LUC7L: variants seen among roughly 807,000 people sequenced by gnomAD.
The protein encoded by LUC7L is putative RNA-binding protein Luc7-like 1.
In LUC7L, 29 loss-of-function variants were observed where a neutral mutation model predicts 51.1. The observed-to-expected ratio is 0.57, with a 90% CI of 0.42 to 0.77. LUC7L has a LOEUF of 0.77. LUC7L is among the 30% of genes least tolerant of loss of function. The pLI, the probability that LUC7L is intolerant of heterozygous loss-of-function variation, is 0.00. For missense variants in LUC7L, 403 were observed against 511.9 expected (o/e 0.79, Z 2.05); for synonymous variants, 181 against 180.7 (o/e 1.00, Z -0.01).
chr16:188,990 T>G lies in LUC7L; in HGVS notation c.*208A>C, dbSNP rs1185669249. On this transcript the variant is annotated 3_prime_UTR_variant, in exon 10 of 10. Coordinates refer to ENST00000293872, the MANE Select transcript of LUC7L (RefSeq NM_201412.3). ...AGGACAGCAGAAACCCCCCGCAGCC[T>G]CAGGAGGCAGCATCAGATTTATTTA... is the stretch of plus-strand genomic sequence containing the variant. The G allele has an allele frequency of 7.7e-6, 4 of 521,588 alleles. No individual in the cohort carries two copies. In the Admixed American group the frequency reaches 1.0e-4, roughly 13 times the overall value. The allele number at this position is 521,588 out of a possible 1,614,324, so 32.3% of individuals were successfully genotyped here. A position where few individuals can be genotyped will look rare whatever the true frequency, so the allele number is the denominator to read the frequency against.
chr16:208,547 C>G (rs1455418914), intron 3 of LUC7L: 1 of 855,346 alleles, frequency 1.2e-6, no homozygotes, highest in South Asian at 3.3e-5. Flanking sequence ...AGCCTAGACT[C>G]GTGCTGGAGG....
intron 3 of LUC7L, among the ~76,000 whole-genome samples, chr16:214,939 C>T (rs2049746163): frequency 6.6e-6 from 1 of 152,150 alleles, no homozygotes; most frequent in South Asian, 2.1e-4. Flanking sequence ...GGCATGGTGG[C>T]TTGTGACTGT....
intron 3 of LUC7L, among the ~76,000 whole-genome samples, chr16:215,039 C>A (rs2049749555): frequency 1.3e-5 from 2 of 152,146 alleles, no homozygotes; most frequent in African/African-American, 4.8e-5. Context: ...CACTGCAATC[C>A]AGCCTGGGCA....
chr16:189,963 G>C lies in LUC7L; in HGVS notation c.974+5C>G. On this transcript the variant is annotated splice_donor_5th_base_variant and intron_variant, in intron 9 of 9. Coordinates refer to ENST00000293872, the MANE Select transcript of LUC7L (RefSeq NM_201412.3). ...TGCAGCTACCGAAGGAGTCAGAGTAGTTACTTGTATTTCGCACTTCGGTCC... is the reference window on the plus strand; with the variant it reads ...TGCAGCTACCGAAGGAGTCAGAGTACTTACTTGTATTTCGCACTTCGGTCC... The C allele has an allele frequency of 6.8e-6, 11 of 1,610,058 alleles. No individual in the cohort carries two copies. Among genetic ancestry groups the C allele is most frequent in the Non-Finnish European group, 9.3e-6 (11 of 1,176,964 alleles).
At chr16:224,876 CA>C (rs923407507) in intron 2 of LUC7L, among the ~76,000 whole-genome samples, 1 of 151,896 alleles carries the variant, frequency 6.6e-6, no homozygotes, top group African/African-American at 2.4e-5. Context: ...ACTTACTTTT[CA>C]ATGTGAGAGC....
At chr16:217,973 C>T (rs572362055) in intron 3 of LUC7L, among the ~76,000 whole-genome samples, 6 of 148,834 alleles carry the variant, frequency 4.0e-5, no homozygotes, top group African/African-American at 9.9e-5. Context: ...TGCAGTGAGC[C>T]GAGATCATGC....
intron 6 of LUC7L, among the ~76,000 whole-genome samples, chr16:198,032 G>A (rs1177805586): frequency 2.0e-5 from 3 of 152,050 alleles, no homozygotes; most frequent in Non-Finnish European, 4.4e-5. Flanking sequence ...ACTTTGGGAG[G>A]CTGAGGCGGG....
chr16:195,574 C>A (rs2049127365), intron 6 of LUC7L, among the ~76,000 whole-genome samples: 1 of 152,192 alleles, frequency 6.6e-6, no homozygotes, highest in Non-Finnish European at 1.5e-5. Flanking sequence ...CAGGCACACA[C>A]CACCATGCTT....
At chr16:201,170 GAAAAAAAAAA>G (rs36033830) in intron 5 of LUC7L, among the ~76,000 whole-genome samples, 1 of 70,372 alleles carries the variant, frequency 1.4e-5, no homozygotes, top group Non-Finnish European at 2.4e-5. Flanking sequence ...CTCTGTCTGA[GAAAAAAAAAA>G]AAAAAAAAGT....
chr16:228,765 G>A (rs1194361195), intron 1 of LUC7L: 2 of 1,278,344 alleles, frequency 1.6e-6, no homozygotes, highest in South Asian at 1.3e-5. Flanking sequence ...GGGGGCAGCT[G>A]GAAAAGTACT....
chr16:211,337 A>G (rs2049633587), intron 3 of LUC7L, among the ~76,000 whole-genome samples: 1 of 152,110 alleles, frequency 6.6e-6, no homozygotes, highest in Non-Finnish European at 1.5e-5. Flanking sequence ...TTACGAGGTG[A>G]ATCCCAGCTA....
At chr16:199,788 G>C (rs899548220) in intron 5 of LUC7L, among the ~76,000 whole-genome samples, 9 of 137,984 alleles carry the variant, frequency 6.5e-5, no homozygotes, top group Non-Finnish European at 1.5e-5. Context: ...AAGAGAGATC[G>C]AGACCATCCT....
chr16:225,328 A>C (rs1421670591), intron 2 of LUC7L, among the ~76,000 whole-genome samples: 1 of 151,818 alleles, frequency 6.6e-6, no homozygotes, highest in East Asian at 2.0e-4. Context: ...TCTACTGAAA[A>C]TACAAAAGTT....
intron 2 of LUC7L, among the ~76,000 whole-genome samples, chr16:225,966 G>C (rs748888960): frequency 1.3e-5 from 2 of 151,012 alleles, no homozygotes; most frequent in Non-Finnish European, 2.9e-5. Flanking sequence ...TTCACTATGG[G>C]TTTATCAAGA....
intron 2 of LUC7L, among the ~76,000 whole-genome samples, chr16:225,997 TG>T (rs35379530): frequency 0.43 from 64,931 of 151,770 alleles, 13,954 homozygotes; most frequent in Non-Finnish European, 0.45. Flanking sequence ...GTGCATCCTA[TG>T]AAAATACCCT....
At chr16:223,262 T>C (rs1012754630) in intron 2 of LUC7L, among the ~76,000 whole-genome samples, 3 of 152,004 alleles carry the variant, frequency 2.0e-5, no homozygotes, top group African/African-American at 4.8e-5. Context: ...GGAAGGAGAA[T>C]GGCATGAACC....
At chr16:194,732 G>C (rs148469450) in intron 6 of LUC7L, among the ~76,000 whole-genome samples, 1 of 152,266 alleles carries the variant, frequency 6.6e-6, no homozygotes, top group East Asian at 1.9e-4. Flanking sequence ...GAATCATCAG[G>C]CTTGATGAAG....
intron 5 of LUC7L, among the ~76,000 whole-genome samples, chr16:199,680 A>G (rs1202423832): frequency 1.4e-5 from 2 of 146,184 alleles, no homozygotes; most frequent in African/African-American, 5.0e-5. Context: ...CTGAGGCAGG[A>G]GAATGGCTTG....
At chr16:215,154 C>A (rs2049754586) in intron 3 of LUC7L, among the ~76,000 whole-genome samples, 1 of 152,074 alleles carries the variant, frequency 6.6e-6, no homozygotes, top group Admixed American at 6.6e-5. Flanking sequence ...ATCCTTAAGA[C>A]ACATTCCCAA....
Sources: gnomAD v4.1 joint callset for allele counts (sites outside exome capture counted in the v4.1 genomes callset) on GRCh38, gnomAD v4.1.1 for gene constraint, MANE v1.5 for transcripts, NCBI Gene and HGNC (gene_info 2026-07-23, HGNC 2026-07-21) for gene names.